Variants in TTLL11 observed in about 807,000 individuals in gnomAD.
TTLL11 encodes the protein tubulin tyrosine ligase like 11, also known as tubulin polyglutamylase TTLL11.
TTLL11 carries 42 observed loss-of-function variants against 51.7 expected under a neutral mutation model. The ratio of observed to expected loss-of-function variants is 0.81; its 90% CI spans 0.64 to 1.05. The LOEUF (loss-of-function observed/expected upper bound fraction) is 1.05. TTLL11 is among the 50% of genes least tolerant of loss of function. The pLI, the probability that TTLL11 is intolerant of heterozygous loss-of-function variation, is 0.00. For synonymous variants in TTLL11, 381 were observed against 383.5 expected (o/e 0.99, Z 0.08); for missense variants, 799 against 940.4 (o/e 0.85, Z 1.97).
chr9:121,907,502 T>C (rs1251505387), intron 6 of TTLL11, among the ~76,000 whole-genome samples: 1 of 151,200 alleles, frequency 6.6e-6, no homozygotes, highest in Admixed American at 6.6e-5. Flanking sequence ...AGCTTGTCCG[T>C]GGATGAAGGA....
intron 1 of TTLL11, among the ~76,000 whole-genome samples, chr9:122,076,955 G>C (rs1284809631): frequency 6.6e-6 from 1 of 152,076 alleles, no homozygotes; most frequent in African/African-American, 2.4e-5. Context: ...TTTACTAGCA[G>C]AAGAAAAAAT....
At chr9:122,058,637 T>C (rs550809025) in intron 1 of TTLL11, among the ~76,000 whole-genome samples, 1 of 152,338 alleles carries the variant, frequency 6.6e-6, no homozygotes, top group African/African-American at 2.4e-5. Context: ...CTAGCGCGTA[T>C]GGCCATCTTT....
At chr9:121,850,679 C>A (rs971546436) in intron 8 of TTLL11, among the ~76,000 whole-genome samples, 1 of 152,140 alleles carries the variant, frequency 6.6e-6, no homozygotes, top group Non-Finnish European at 1.5e-5. Flanking sequence ...AGTGAATCTT[C>A]GCCATCCAGT....
intron 8 of TTLL11, among the ~76,000 whole-genome samples, chr9:121,850,041 G>A (rs1351372307): frequency 1.3e-5 from 2 of 149,686 alleles, no homozygotes; most frequent in African/African-American, 2.5e-5. Flanking sequence ...TTTTTTATTT[G>A]TATTTTTAAA....
At chr9:121,865,253 C>A (rs1302040200) in intron 7 of TTLL11, among the ~76,000 whole-genome samples, 1 of 152,000 alleles carries the variant, frequency 6.6e-6, no homozygotes, top group Non-Finnish European at 1.5e-5. Flanking sequence ...GAGAATAAAG[C>A]CCCCCGCAGC....
chr9:121,940,620 G>A (rs988552348), intron 6 of TTLL11, among the ~76,000 whole-genome samples: 1 of 152,072 alleles, frequency 6.6e-6, no homozygotes, highest in Non-Finnish European at 1.5e-5. Context: ...TTACAGGCAT[G>A]AGCCACCATG....
chr9:122,089,822 T>C (rs1846213839), intron 1 of TTLL11, among the ~76,000 whole-genome samples: 1 of 152,142 alleles, frequency 6.6e-6, no homozygotes, highest in Admixed American at 6.5e-5. Context: ...AGGGTCTTGC[T>C]CTGTCACCCA....
intron 6 of TTLL11, among the ~76,000 whole-genome samples, chr9:121,933,103 G>T (rs77854676): frequency 1.3e-5 from 2 of 152,080 alleles, no homozygotes; most frequent in Admixed American, 1.3e-4. Flanking sequence ...ATAACACGGC[G>T]GACAGTAGAG....
intron 3 of TTLL11, among the ~76,000 whole-genome samples, chr9:122,026,579 T>C (rs188285391): frequency 6.6e-6 from 1 of 152,306 alleles, no homozygotes; most frequent in East Asian, 1.9e-4. Context: ...TATAAAACTG[T>C]ACATTCTAAA....
chr9:121,965,982 C>A (rs1460236548), intron 6 of TTLL11, among the ~76,000 whole-genome samples: 1 of 152,194 alleles, frequency 6.6e-6, no homozygotes, highest in Non-Finnish European at 1.5e-5. Flanking sequence ...ATAGAATCTA[C>A]CGGATTTGGG....
At chr9:121,891,886 A>C (rs750431010) in intron 6 of TTLL11, among the ~76,000 whole-genome samples, 8 of 151,080 alleles carry the variant, frequency 5.3e-5, no homozygotes, top group Non-Finnish European at 8.8e-5. Context: ...CCTGGGCTAA[A>C]TCCTCACCAT....
At position 121,853,633 on chromosome 9, in the gene TTLL11, C is replaced by T. The variant is rs959256976; in HGVS notation, c.1840+6704G>A. Reference sequence around the variant, plus strand: ...CCAGTGACTGCAGGCAGCTGGGGGCCGGCACAGGCCTGTAAGTGATGGGAG... The same window carrying T: ...CCAGTGACTGCAGGCAGCTGGGGGCTGGCACAGGCCTGTAAGTGATGGGAG... On this transcript the variant is annotated intron_variant, in intron 8 of 8. Coordinates refer to ENST00000321582, the MANE Select transcript of TTLL11 (RefSeq NM_001139442.2). The surrounding 1 kb of genome is among the most constrained non-coding windows in gnomAD (Gnocchi z 5.6). 2.0e-5 allele frequency among the ~76,000 whole-genome samples: 3 copies of T among 152,146 alleles called. No homozygotes were observed. Among genetic ancestry groups the T allele is most frequent in the South Asian group, 2.1e-4 (1 of 4,832 alleles).
intron 1 of TTLL11, among the ~76,000 whole-genome samples, chr9:122,083,979 A>G (rs945821572): frequency 2.0e-5 from 3 of 152,220 alleles, no homozygotes; most frequent in African/African-American, 7.2e-5. Flanking sequence ...ATAAGCATAT[A>G]TTATTTCTGG....
At chr9:121,841,812 T>G (rs1432024934) in intron 8 of TTLL11, among the ~76,000 whole-genome samples, 1 of 152,052 alleles carries the variant, frequency 6.6e-6, no homozygotes, top group African/African-American at 2.4e-5. Context: ...ACCCACTAGA[T>G]GCCAGTATAG....
chr9:121,876,090 G>T (rs1055369508), intron 6 of TTLL11, among the ~76,000 whole-genome samples: 1 of 152,162 alleles, frequency 6.6e-6, no homozygotes, highest in Non-Finnish European at 1.5e-5. Context: ...TAGGAAACAG[G>T]CCCAGAGAGG....
At chr9:121,975,622 T>G (rs1842687750) in intron 4 of TTLL11, among the ~76,000 whole-genome samples, 1 of 152,058 alleles carries the variant, frequency 6.6e-6, no homozygotes, top group Non-Finnish European at 1.5e-5. Context: ...TGAAGCAGGA[T>G]AATTGCTTGA....
At chr9:121,845,142 C>T (rs1285843936) in intron 8 of TTLL11, among the ~76,000 whole-genome samples, 2 of 151,984 alleles carry the variant, frequency 1.3e-5, no homozygotes, top group Admixed American at 6.5e-5. Flanking sequence ...TAATACCTTA[C>T]CTATACAGGT....
intron 4 of TTLL11, among the ~76,000 whole-genome samples, chr9:121,978,080 T>C (rs1393201757): frequency 6.6e-6 from 1 of 152,180 alleles, no homozygotes; most frequent in Non-Finnish European, 1.5e-5. Context: ...GGAGAAAAGA[T>C]CAAATAAAGA....
rs1843063798 is a variant in TTLL11, at chr9:121,989,960, C to T, written c.694-190G>A. ...TGAGATGGTGACATCAGGACTGTCC[C>T]CAGTCTTGTGCTCCAGAGCGAGGTG... On this transcript the variant is annotated intron_variant, in intron 3 of 8. Transcript: ENST00000321582. The surrounding 1 kb of genome is among the most constrained non-coding windows in gnomAD (Gnocchi z 4.2). 6.6e-6 allele frequency among the ~76,000 whole-genome samples: 1 copy of T among 152,186 alleles called. No individual in the cohort carries two copies. Among genetic ancestry groups the T allele is most frequent in the East Asian group, 1.9e-4 (1 of 5,192 alleles).
Sources: gnomAD v4.1 joint callset for allele counts (sites outside exome capture counted in the v4.1 genomes callset) on GRCh38, gnomAD v4.1.1 for gene constraint, Gnocchi (gnomAD v3.1) non-coding constraint, MANE v1.5 for transcripts, NCBI Gene and HGNC (gene_info 2026-07-23, HGNC 2026-07-21) for gene names.